UTRN: variants seen among roughly 807,000 people sequenced by gnomAD.
UTRN encodes the protein dystrophin-related protein 1.
A neutral mutation model predicts 463.9 loss-of-function variants in UTRN; 283 were observed. That is an observed-to-expected ratio of 0.61 (90% CI 0.55 to 0.67). The LOEUF is 0.67. UTRN is among the 30% of genes least tolerant of loss of function. UTRN has a pLI of 0.00. For synonymous variants in UTRN, 1,442 were observed against 1,431.5 expected (o/e 1.01, Z -0.17); for missense variants, 3,922 against 4,084.3 (o/e 0.96, Z 1.08).
intron 2 of UTRN, among the ~76,000 whole-genome samples, chr6:144,314,786 C>G (rs1775177077): frequency 6.6e-6 from 1 of 152,044 alleles, no homozygotes; most frequent in Non-Finnish European, 1.5e-5. Context: ...ATGGAAAAAG[C>G]CTTTGGTTTC....
chr6:144,678,577 A>G lies in UTRN; in HGVS notation c.7651A>G (p.Arg2551Gly), dbSNP rs1781882681. 12 of 1,602,992 alleles carry G rather than the reference A, an allele frequency of 7.5e-6. No homozygotes were observed. Among genetic ancestry groups the G allele is most frequent in the Non-Finnish European group, 1.0e-5 (12 of 1,173,028 alleles). ...CTTAAAAGCAAAATCTGCTAGCATC[A>G]GGTCAGAATAGTCAATATCAAAATA... ...NDLKAKSASI[R>G]AHLEASAEKW... The change falls in exon 52 of 75, where the codon AGG becomes GGG. Residue 2551 changes from arginine (R) to glycine (G), a missense_variant and splice_region_variant. By Grantham distance (125) the Arg-to-Gly change is moderately radical. Coordinates refer to ENST00000367545, the MANE Select transcript of UTRN (RefSeq NM_007124.3).
In UTRN at chr6:144,774,337, A is replaced by G; in HGVS notation, c.8605A>G (p.Ile2869Val). 1 of 1,602,690 alleles carries G rather than the reference A, an allele frequency of 6.2e-7. No homozygotes were observed. Among genetic ancestry groups the G allele is most frequent in the Non-Finnish European group, 8.5e-7 (1 of 1,176,896 alleles). ...RFSAYRTAIK[I>V]RRLQKALCLD... ...TTCTGCCTACCGTACAGCAATCAAA[A>G]TCCGAAGACTACAAAAAGCACTATG... Residue 2869 changes from isoleucine to valine, a missense_variant, in exon 60 of 75, where the codon ATC becomes GTC. This residue lies in a region of UTRN where 1,309 missense variants were observed against 1,452.6 expected (regional missense o/e 0.90). Transcript: ENST00000367545.
At chr6:144,821,106 A>G (rs1405464595) in intron 66 of UTRN, 88 bp downstream of exon 66, 4 of 1,445,876 alleles carry the variant, frequency 2.8e-6, no homozygotes, top group Non-Finnish European at 3.7e-6. Context: ...GAAATTGTTT[A>G]ATACCAACTG....
At chr6:144,495,350 C>G (rs916784832) in intron 33 of UTRN, among the ~76,000 whole-genome samples, 1 of 152,252 alleles carries the variant, frequency 6.6e-6, no homozygotes, top group Admixed American at 6.5e-5. Flanking sequence ...TGGGCTGGCA[C>G]TGCTGGGGGA....
intron 1 of UTRN, among the ~76,000 whole-genome samples, chr6:144,288,719 A>G (rs1338609224): frequency 6.7e-6 from 1 of 150,070 alleles, no homozygotes; most frequent in Non-Finnish European, 1.5e-5. Context: ...TGTCAGATTG[A>G]TGATCCAATC....
chr6:144,530,793 T>C (rs1796986054), intron 41 of UTRN, among the ~76,000 whole-genome samples: 1 of 151,904 alleles, frequency 6.6e-6, no homozygotes, highest in African/African-American at 2.4e-5. Context: ...AGTGTGCATG[T>C]GTGTGTGTAT....
At chr6:144,532,965 A>T in intron 42 of UTRN, 120 bp from the exon 43 acceptor site, 1 of 492,360 alleles carries the variant, frequency 2.0e-6, no homozygotes, top group Non-Finnish European at 3.6e-6. Context: ...AACATAAAAT[A>T]TCTTTCCAGG....
rs545970243 is a variant in UTRN, at chr6:144,742,496, G to C, written c.7940-5750G>C. On this transcript the variant is annotated intron_variant, in intron 54 of 74. Coordinates refer to ENST00000367545, the MANE Select transcript of UTRN (RefSeq NM_007124.3). ...TGAGGAAAGAGAGAGAGAAATAGGA[G>C]GGGGGTAAAGAGAGAGAGATATTGA... 1.4e-4 allele frequency among the ~76,000 whole-genome samples: 22 copies of C among 152,276 alleles called. No individual in the cohort carries two copies. In the South Asian group the frequency reaches 3.7e-3, roughly 26 times the overall value.
At chr6:144,610,142 A>G (rs979049693) in intron 51 of UTRN, among the ~76,000 whole-genome samples, 5 of 148,068 alleles carry the variant, frequency 3.4e-5, no homozygotes, top group African/African-American at 9.9e-5. Context: ...CAAAACTAAG[A>G]GATTCTTTTT....
At chr6:144,793,164 TAA>T (rs1776910538) in intron 62 of UTRN, among the ~76,000 whole-genome samples, 1 of 152,180 alleles carries the variant, frequency 6.6e-6, no homozygotes, top group Non-Finnish European at 1.5e-5. Flanking sequence ...AAATAAGTTA[TAA>T]TATATATACA....
chr6:144,778,322 G>C (rs1029165534), intron 60 of UTRN, among the ~76,000 whole-genome samples: 1 of 152,044 alleles, frequency 6.6e-6, no homozygotes, highest in Non-Finnish European at 1.5e-5. Flanking sequence ...GATATTTCAC[G>C]GTTTGCAGAC....
At chr6:144,715,067 G>A (rs1449200226) in intron 53 of UTRN, among the ~76,000 whole-genome samples, 1 of 152,006 alleles carries the variant, frequency 6.6e-6, no homozygotes, top group Non-Finnish European at 1.5e-5. Context: ...CCATCTATAT[G>A]CCAAGCACTC....
chr6:144,689,237 C>T (rs747675983), intron 52 of UTRN, among the ~76,000 whole-genome samples: 16 of 152,180 alleles, frequency 1.1e-4, no homozygotes, highest in South Asian at 2.1e-4. Context: ...GGTGCACCCA[C>T]GCCAAGCTCC....
rs116493368 is a variant in UTRN at position 144,450,117 on chromosome 6, G to A, written c.2073-1253G>A. Among the ~76,000 whole-genome samples the A allele has an allele frequency of 4.0e-3, 602 of 152,118 alleles. 3 individuals carry two copies. The highest frequency in any genetic ancestry group is 0.014 in the African/African-American group (587 of 41,492). Reference sequence around the variant, plus strand: ...CTTCCTTCCCACTGTTACTATCTTAGTTGTGACTCCCGTTGCTTTCACAGC... The same window carrying A: ...CTTCCTTCCCACTGTTACTATCTTAATTGTGACTCCCGTTGCTTTCACAGC... On this transcript the variant is annotated intron_variant, in intron 17 of 74. Coordinates refer to ENST00000367545, the MANE Select transcript of UTRN (RefSeq NM_007124.3).
At chr6:144,646,566 T>G (rs1234002742) in intron 51 of UTRN, among the ~76,000 whole-genome samples, 1 of 152,130 alleles carries the variant, frequency 6.6e-6, no homozygotes, top group Non-Finnish European at 1.5e-5. Context: ...AGATCCATAC[T>G]CTCCTTGAGG....
chr6:144,406,959 C>G (rs1204176963), intron 3 of UTRN, among the ~76,000 whole-genome samples: 1 of 152,004 alleles, frequency 6.6e-6, no homozygotes, highest in Non-Finnish European at 1.5e-5. Context: ...GGTGGGCCCT[C>G]CCTGGCCTTT....
intron 34 of UTRN, among the ~76,000 whole-genome samples, chr6:144,503,507 A>G (rs140635379): frequency 3.6e-4 from 55 of 152,242 alleles, no homozygotes; most frequent in African/African-American, 1.3e-3. Context: ...TAAATAGGGA[A>G]TCCTTTCCCT....
Position 144,705,330 on chromosome 6 carries a change from G to A in UTRN, c.7809+5087G>A, listed in dbSNP as rs536894257. On this transcript the variant is annotated intron_variant, in intron 53 of 74. Coordinates refer to ENST00000367545, the MANE Select transcript of UTRN (RefSeq NM_007124.3). ...AGTCATTTGACTTACCCAAGCTTCA[G>A]TGTATGGAAATAAGTAGTATCTTAG... Among the ~76,000 whole-genome samples the A allele has an allele frequency of 2.6e-5, 4 of 152,314 alleles. No homozygotes were observed. The South Asian group carries it at 8.3e-4, about 32-fold the overall frequency.
intron 51 of UTRN, among the ~76,000 whole-genome samples, chr6:144,667,020 C>T (rs938947692): frequency 1.8e-4 from 27 of 147,178 alleles, no homozygotes; most frequent in African/African-American, 6.7e-4. Flanking sequence ...TCTTCTTCCT[C>T]TTCTTCCTCC....
Sources: allele counts gnomAD v4.1 joint callset (sites outside exome capture counted in the v4.1 genomes callset), GRCh38; gene constraint gnomAD v4.1.1; regional missense constraint gnomAD v4.1.1; transcripts MANE v1.5; gene names NCBI Gene and HGNC (gene_info 2026-07-23, HGNC 2026-07-21).